The following TMEM273 variants were observed in gnomAD, a reference collection of about 807,000 sequenced individuals.
The protein encoded by TMEM273 is chromosome 10 open reading frame 128.
Under a neutral mutation model 17.9 loss-of-function variants are expected in TMEM273, and 19 were observed. The ratio of observed to expected loss-of-function variants is 1.06; its 90% CI spans 0.74 to 1.55. TMEM273 has a LOEUF of 1.55. Among genes scored for constraint, TMEM273 ranks in the 40% most tolerant of loss-of-function variants. The pLI is 0.00. For missense variants in TMEM273, 194 were observed against 155.6 expected (o/e 1.25, Z -1.31); for synonymous variants, 66 against 62.0 (o/e 1.07, Z -0.31).
chr10:49,166,531 T>C, intron 3 of TMEM273: 1 of 322,194 alleles, frequency 3.1e-6, no homozygotes, highest in Admixed American at 4.5e-5. Context: ...TTTTAGTTCC[T>C]CTCCCACCTT....
intron 6 of TMEM273, chr10:49,160,355 C>A (rs1027213699): frequency 1.3e-5 from 2 of 152,042 alleles, no homozygotes; most frequent in African/African-American, 4.8e-5. Context: ...GTATTTCTGA[C>A]CAAAAACTTC....
intron 2 of TMEM273, among the ~76,000 whole-genome samples, chr10:49,167,522 G>A (rs1448492143): frequency 2.6e-5 from 4 of 152,236 alleles, no homozygotes; most frequent in Non-Finnish European, 5.9e-5. Context: ...GGTGAGGCAT[G>A]CAGACTGAGC....
Position 49,165,237 on chromosome 10 carries a change from A to T in TMEM273, c.316T>A (p.Cys106Ser), listed in dbSNP as rs971642966. 18 of 1,550,446 alleles carry T rather than the reference A, an allele frequency of 1.2e-5. No homozygotes were observed. Among genetic ancestry groups the T allele is most frequent in the Admixed American group, 9.8e-5 (5 of 50,988 alleles). The change falls in exon 5 of 7, where the codon TGT becomes AGT. Residue 106 changes from cysteine (C) to serine (S), a missense_variant. Coordinates refer to ENST00000374153, the MANE Select transcript of TMEM273 (RefSeq NM_001288740.3). ...AGGCCCTCCATGATGCAGTGGTGAC[A>T]CTGAAGCAGGGATTTGAAGGAAAAG... ...TLFSFKSLLQ[C>S]HHCIMEGLFK...
chr10:49,180,662 A>C (rs1847288504), intron 1 of TMEM273, among the ~76,000 whole-genome samples: 1 of 152,222 alleles, frequency 6.6e-6, no homozygotes, highest in Admixed American at 6.5e-5. Context: ...AATGAAAAAA[A>C]AAATCAACAG....
intron 3 of TMEM273, among the ~76,000 whole-genome samples, chr10:49,166,131 C>T (rs1457727571): frequency 1.3e-5 from 2 of 152,162 alleles, no homozygotes; most frequent in Non-Finnish European, 2.9e-5. Context: ...TCCAGGAAGG[C>T]AGTGAGGCTC....
chr10:49,168,513 C>T (rs1311779745), intron 1 of TMEM273, among the ~76,000 whole-genome samples: 1 of 152,110 alleles, frequency 6.6e-6, no homozygotes, highest in East Asian at 1.9e-4. Context: ...CACTAGTTTG[C>T]TCCAGGCTCC....
chr10:49,187,541 G>A (rs891760646), intron 1 of TMEM273, among the ~76,000 whole-genome samples: 4 of 152,182 alleles, frequency 2.6e-5, no homozygotes, highest in Non-Finnish European at 5.9e-5. Flanking sequence ...GTTGATATCA[G>A]AGGGGACTTC....
In TMEM273 at chr10:49,157,254, G is replaced by C. The variant is rs139123100; in HGVS notation, c.373-1345C>G. Among the ~76,000 whole-genome samples, 46 of 152,212 alleles carry C rather than the reference G, an allele frequency of 3.0e-4. 1 individual carries two copies. The highest frequency in any genetic ancestry group is 8.8e-5 in the Non-Finnish European group (6 of 68,030). ...ATGAAGTTGTTCTCTGACAGGTAGC[G>C]ATACCTCTGCAGATGGGTGTGTCAC... On this transcript the variant is annotated intron_variant, in intron 6 of 6. Transcript: ENST00000374153.
intron 3 of TMEM273, chr10:49,166,483 A>C: frequency 7.0e-6 from 2 of 285,652 alleles, no homozygotes; most frequent in South Asian, 3.7e-5. Flanking sequence ...TGATCTCATC[A>C]TTTGGATGAG....
At chr10:49,167,449 G>A (rs1281511538) in intron 2 of TMEM273, among the ~76,000 whole-genome samples, 1 of 152,250 alleles carries the variant, frequency 6.6e-6, no homozygotes, top group African/African-American at 2.4e-5. Context: ...GGACAGGGAA[G>A]GAGCTCATGA....
rs201028683 is a variant in TMEM273 at position 49,166,997 on chromosome 10, G to A, written c.110C>T (p.Ala37Val). Reference protein sequence around the residue: ...TPGAEIDFKYALIGTAVGVAI... With the variant: ...TPGAEIDFKYVLIGTAVGVAI... ...GACACCCACAGCAGTCCCGATGAGG[G>A]CGTACTTGAAATCTGAAACGCAGGG... The change falls in exon 3 of 7, where the codon GCC (alanine) becomes GTC (valine). Residue 37 changes from alanine (A) to valine (V), a missense_variant. By Grantham distance (64) the Ala-to-Val change is moderately conservative. Transcript: ENST00000374153. 2.3e-3 allele frequency: 3,688 copies of A among 1,613,912 alleles called. 7 individuals are homozygous for A. The highest frequency in any genetic ancestry group is 3.2e-3 in the Admixed American group (191 of 60,004).
rs753072705 is a variant in TMEM273 at position 49,165,789 on chromosome 10, G to A, written c.246C>T (p.Ile82=). 1 of 1,614,180 alleles carries A rather than the reference G, an allele frequency of 6.2e-7. No individual in the cohort carries two copies. Residue 82 remains isoleucine, a synonymous_variant, in exon 4 of 7, where the codon ATC becomes ATT. Transcript: ENST00000374153. ...KSTPGGLSDT[I]PLKKRAPRKL... is the part of the protein sequence containing the mutation. ...ACCTTGGGGCTCTCTTCTTTAGCGG[G>A]ATGGTGTCTAAACAGAGAAAGCCGG...
Position 49,155,800 on chromosome 10 carries a change from G to C in TMEM273, c.*92C>G. ...CATGTGAAAGTTCATTACCAGCCTT[G>C]GGTGTTTGAATGCAGAACATCCTGA... On this transcript the variant is annotated 3_prime_UTR_variant, in exon 7 of 7. Coordinates refer to ENST00000374153, the MANE Select transcript of TMEM273 (RefSeq NM_001288740.3). The C allele has an allele frequency of 6.3e-7, 1 of 1,589,872 alleles. No homozygotes were observed. The highest frequency in any genetic ancestry group is 8.6e-7 in the Non-Finnish European group (1 of 1,159,728).
In TMEM273 at chr10:49,161,631, C is replaced by G; in HGVS notation, c.349-9G>C. The G allele has an allele frequency of 6.2e-7, 1 of 1,614,226 alleles. No homozygotes were observed. On this transcript the variant is annotated splice_polypyrimidine_tract_variant and intron_variant, in intron 5 of 6. Transcript: ENST00000374153. ...AGAAATTGTGGTTTCGCCTGCAAAACAAGATAAAAGGGTGTTCATTGCCTA... is the reference window on the plus strand; with the variant it reads ...AGAAATTGTGGTTTCGCCTGCAAAAGAAGATAAAAGGGTGTTCATTGCCTA...
At chr10:49,173,815 T>C (rs1846749789) in intron 1 of TMEM273, among the ~76,000 whole-genome samples, 1 of 152,030 alleles carries the variant, frequency 6.6e-6, no homozygotes, top group Admixed American at 6.6e-5. Context: ...AAGTACTGAG[T>C]GGTACGGAGC....
intron 1 of TMEM273, among the ~76,000 whole-genome samples, chr10:49,185,689 T>C (rs1042136601): frequency 6.6e-6 from 1 of 152,138 alleles, no homozygotes; most frequent in African/African-American, 2.4e-5. Flanking sequence ...CCTAAGAAGA[T>C]AAAGGATAGC....
chr10:49,184,742 G>A (rs1265877547), intron 1 of TMEM273, among the ~76,000 whole-genome samples: 2 of 152,226 alleles, frequency 1.3e-5, no homozygotes, highest in African/African-American at 4.8e-5. Flanking sequence ...CATTTCCCCT[G>A]CCAGGGGTGT....
chr10:49,167,069 C>A, intron 2 of TMEM273, 60 bp from the exon 3 acceptor site: 2 of 1,593,036 alleles, frequency 1.3e-6, no homozygotes, highest in South Asian at 2.3e-5. Context: ...CCTCTGCATT[C>A]CAGATGAGGT....
At chr10:49,165,633 C>A (rs117774116) in intron 4 of TMEM273, 133 bp downstream of exon 4, 5 of 1,357,596 alleles carry the variant, frequency 3.7e-6, no homozygotes, top group South Asian at 2.7e-5. Context: ...GAGGGGACCA[C>A]GAGGTGCATT....
Sources: allele counts gnomAD v4.1 joint callset (sites outside exome capture counted in the v4.1 genomes callset), GRCh38; gene constraint gnomAD v4.1.1; transcripts MANE v1.5; gene names NCBI Gene and HGNC (gene_info 2026-07-23, HGNC 2026-07-21).